Variants in ADGRV1 observed in about 807,000 individuals in gnomAD.
ADGRV1 encodes adhesion G protein-coupled receptor V1, also known as G-protein coupled receptor 98.
A neutral mutation model predicts 596.2 loss-of-function variants in ADGRV1; 359 were observed. That is an observed-to-expected ratio of 0.60 (90% CI 0.55 to 0.66). ADGRV1 has a LOEUF of 0.66. ADGRV1 is among the 30% of genes least tolerant of loss of function. ADGRV1 has a pLI of 0.00. For missense variants in ADGRV1, 7,274 were observed against 7,575.6 expected (o/e 0.96, Z 1.48); for synonymous variants, 2,681 against 2,679.2 (o/e 1.00, Z -0.02).
chr5:90,643,918 T>C lies in ADGRV1; in HGVS notation c.2669T>C (p.Ile890Thr). 1 of 1,612,518 alleles carries C rather than the reference T, an allele frequency of 6.2e-7. No individual in the cohort carries two copies. Among genetic ancestry groups the C allele is most frequent in the Non-Finnish European group, 8.5e-7 (1 of 1,178,992 alleles). Residue 890 changes from isoleucine (I) to threonine (T), a missense_variant, in exon 14 of 90, where the codon ATA becomes ACA. Coordinates refer to ENST00000405460, the MANE Select transcript of ADGRV1 (RefSeq NM_032119.4). ...AAAAATGATGATCCTCATGGCATTATAGAATTTGTTTCTGATGGTCTAATT... is the reference window on the plus strand; with the variant it reads ...AAAAATGATGATCCTCATGGCATTACAGAATTTGTTTCTGATGGTCTAATT... The part of the protein sequence containing the change: ...ILKNDDPHGI[I>T]EFVSDGLIVM...
chr5:90,765,461 A>ACG (rs34377820), intron 59 of ADGRV1, among the ~76,000 whole-genome samples: 1 of 150,134 alleles, frequency 6.7e-6, no homozygotes, highest in African/African-American at 2.5e-5. Flanking sequence ...ACACACACAC[A>ACG]CACACACACA....
intron 27 of ADGRV1, among the ~76,000 whole-genome samples, chr5:90,683,153 G>A (rs1443467135): frequency 1.3e-5 from 2 of 151,922 alleles, no homozygotes; most frequent in African/African-American, 2.4e-5. Flanking sequence ...TAGAAGCTAC[G>A]TTTTTTTCAT....
At chr5:91,087,249 A>G (rs1026331011) in intron 86 of ADGRV1, among the ~76,000 whole-genome samples, 1 of 152,130 alleles carries the variant, frequency 6.6e-6, no homozygotes, top group African/African-American at 2.4e-5. Context: ...TAGGGTATAT[A>G]CAAATATATA....
chr5:90,798,093 A>T (rs1760951042), intron 70 of ADGRV1, among the ~76,000 whole-genome samples: 1 of 152,176 alleles, frequency 6.6e-6, no homozygotes, highest in African/African-American at 2.4e-5. Context: ...ACTGAAGGAG[A>T]TAGAGATATG....
chr5:90,867,515 A>C (rs917332264), intron 83 of ADGRV1, among the ~76,000 whole-genome samples: 1 of 152,114 alleles, frequency 6.6e-6, no homozygotes, highest in Non-Finnish European at 1.5e-5. Flanking sequence ...CTACTCAGAC[A>C]CCCTTGCGAA....
Position 90,745,814 on chromosome 5 carries a change from C to G in ADGRV1, c.10974+19C>G, listed in dbSNP as rs761067849. The G allele has an allele frequency of 3.7e-6, 5 of 1,333,654 alleles. No homozygotes were observed. In the Admixed American group the frequency reaches 8.6e-5, roughly 23 times the overall value. 82.6% of individuals were successfully genotyped at this position (1,333,654 alleles called of 1,614,324 possible). ...TGCTCAGGTAATGATACTGAAGACC[C>G]CACACTTGCAATGCAAAATGTTTTA... is the stretch of plus-strand genomic sequence containing the variant. On this transcript the variant is annotated intron_variant, in intron 52 of 89. Coordinates refer to ENST00000405460, the MANE Select transcript of ADGRV1 (RefSeq NM_032119.4).
intron 42 of ADGRV1, among the ~76,000 whole-genome samples, chr5:90,715,871 T>A (rs1750038529): frequency 6.6e-6 from 1 of 152,166 alleles, no homozygotes; most frequent in Non-Finnish European, 1.5e-5. Flanking sequence ...TTAAAAGAGT[T>A]AATATAGGTT....
At chr5:90,718,353 G>A (rs1225331599) in intron 43 of ADGRV1, 1 of 152,098 alleles carries the variant, frequency 6.6e-6, no homozygotes, top group Non-Finnish European at 1.5e-5. Context: ...TTTATTGTAT[G>A]TATATACCGT....
intron 87 of ADGRV1, among the ~76,000 whole-genome samples, chr5:91,148,150 G>A (rs1434895539): frequency 1.3e-5 from 2 of 152,194 alleles, no homozygotes; most frequent in African/African-American, 2.4e-5. Flanking sequence ...TGGAAAATTT[G>A]CAGCCTGACG....
intron 83 of ADGRV1, among the ~76,000 whole-genome samples, chr5:90,941,582 A>G (rs1444385161): frequency 1.3e-5 from 2 of 152,194 alleles, no homozygotes; most frequent in Non-Finnish European, 2.9e-5. Context: ...AGTCACTGCC[A>G]ACCCCATCCC....
At chr5:90,699,258 G>T (rs1226202252) in intron 34 of ADGRV1, among the ~76,000 whole-genome samples, 3 of 151,998 alleles carry the variant, frequency 2.0e-5, no homozygotes, top group Admixed American at 6.6e-5. Context: ...TTATAAGAGG[G>T]TCAGCCTCTA....
intron 29 of ADGRV1, among the ~76,000 whole-genome samples, chr5:90,688,234 T>C (rs1745957003): frequency 1.3e-5 from 2 of 152,030 alleles, no homozygotes. Flanking sequence ...CCCTCAGAAA[T>C]AACGCCGCAT....
At chr5:91,073,177 T>C (rs910293702) in intron 86 of ADGRV1, among the ~76,000 whole-genome samples, 6 of 152,176 alleles carry the variant, frequency 3.9e-5, no homozygotes, top group African/African-American at 7.2e-5. Context: ...ATCTGATTCT[T>C]TTTATTATTG....
intron 87 of ADGRV1, among the ~76,000 whole-genome samples, chr5:91,122,316 T>G (rs1793389702): frequency 6.6e-6 from 1 of 152,232 alleles, no homozygotes; most frequent in African/African-American, 2.4e-5. Context: ...GGAAATATAA[T>G]TCTTTTAACG....
At chr5:90,813,132 CAAAAAAAAAAA>C (rs5869522) in intron 74 of ADGRV1, among the ~76,000 whole-genome samples, 1,884 of 34,854 alleles carry the variant, frequency 0.054, 108 homozygotes, top group African/African-American at 0.15. Flanking sequence ...GACTCCGTCT[CAAAAAAAAAAA>C]AAAAAAAAAA....
intron 86 of ADGRV1, among the ~76,000 whole-genome samples, chr5:91,083,394 T>C (rs1323698129): frequency 6.6e-6 from 1 of 151,946 alleles, no homozygotes; most frequent in Non-Finnish European, 1.5e-5. Flanking sequence ...AGTATAATAA[T>C]AAAAAGAAAA....
intron 62 of ADGRV1, 139 bp from the exon 63 acceptor site, chr5:90,778,288 G>A (rs527287546): frequency 1.3e-6 from 1 of 783,876 alleles, no homozygotes; most frequent in South Asian, 1.8e-5. Flanking sequence ...TGGTATTGTG[G>A]AGGTGCCTGT....
chr5:90,577,863 T>C (rs978076864), intron 1 of ADGRV1, among the ~76,000 whole-genome samples: 5 of 152,202 alleles, frequency 3.3e-5, no homozygotes, highest in Non-Finnish European at 7.3e-5. Flanking sequence ...CTAGGTATTT[T>C]ATTCTCTTTG....
chr5:91,111,909 A>G (rs1792404849), intron 87 of ADGRV1, among the ~76,000 whole-genome samples: 1 of 152,238 alleles, frequency 6.6e-6, no homozygotes, highest in South Asian at 2.1e-4. Flanking sequence ...AAAGGTTTCT[A>G]TAACTTCACA....
Sources: allele counts gnomAD v4.1 joint callset (sites outside exome capture counted in the v4.1 genomes callset), GRCh38; gene constraint gnomAD v4.1.1; transcripts MANE v1.5; gene names NCBI Gene and HGNC (gene_info 2026-07-23, HGNC 2026-07-21).